The following STK32B variants were observed in gnomAD, a reference collection of about 807,000 sequenced individuals.
The protein encoded by STK32B is serine/threonine-protein kinase 32B.
In STK32B, 43 loss-of-function variants were observed where a neutral mutation model predicts 52.6. That is an observed-to-expected ratio of 0.82 (90% confidence interval 0.64 to 1.05). The LOEUF is 1.05. Among genes scored for constraint, STK32B ranks in the 50% least tolerant of loss-of-function variants. STK32B has a pLI of 0.00. For synonymous variants in STK32B, 238 were observed against 204.3 expected (o/e 1.17, Z -1.41); for missense variants, 621 against 534.6 (o/e 1.16, Z -1.59).
At position 5,499,917 on chromosome 4, in the gene STK32B, A is replaced by C. The variant is rs1720600984; in HGVS notation, c.*834A>C. 6.6e-6 allele frequency: 1 copy of C among 152,296 alleles called. No homozygotes were observed. Among genetic ancestry groups the C allele is most frequent in the South Asian group, 2.1e-4 (1 of 4,828 alleles). The allele number at this position is 152,296 out of a possible 1,614,324, so 9.4% of individuals were successfully genotyped here. On this transcript the variant is annotated 3_prime_UTR_variant, in exon 12 of 12. Coordinates refer to ENST00000282908, the MANE Select transcript of STK32B (RefSeq NM_018401.3). The stretch of plus-strand genomic sequence containing the variant: ...GCCCAGACCTGCAGCAGAACTCTCC[A>C]ACTCTCTATCAGCTTTCAGGGTTTT...
chr4:5,451,269 C>G (rs1428060703), intron 7 of STK32B, among the ~76,000 whole-genome samples: 1 of 152,034 alleles, frequency 6.6e-6, no homozygotes, highest in African/African-American at 2.4e-5. Flanking sequence ...GAAGTTCGGT[C>G]ACATATGAAT....
At chr4:5,072,724 C>T (rs1015058391) in intron 1 of STK32B, among the ~76,000 whole-genome samples, 18 of 152,144 alleles carry the variant, frequency 1.2e-4, no homozygotes, top group African/African-American at 4.3e-4. Flanking sequence ...TACTGGTGTA[C>T]TGTTTCATAA....
chr4:5,289,883 A>C (rs933406049), intron 3 of STK32B, among the ~76,000 whole-genome samples: 1 of 151,718 alleles, frequency 6.6e-6, no homozygotes, highest in Admixed American at 6.6e-5. Flanking sequence ...TTTTAGGTTC[A>C]GGGATACGTG....
intron 5 of STK32B, among the ~76,000 whole-genome samples, chr4:5,401,467 A>G (rs1028945662): frequency 1.3e-5 from 2 of 152,218 alleles, no homozygotes; most frequent in Non-Finnish European, 2.9e-5. Context: ...TAGTTACACA[A>G]AATCCAAGCA....
intron 1 of STK32B, among the ~76,000 whole-genome samples, chr4:5,062,609 C>T (rs540876659): frequency 1.3e-5 from 2 of 152,086 alleles, no homozygotes; most frequent in Non-Finnish European, 2.9e-5. Context: ...CCCAGGTTCA[C>T]GCCATTCTCC....
intron 2 of STK32B, among the ~76,000 whole-genome samples, chr4:5,144,795 T>A (rs1049353864): frequency 1.4e-5 from 2 of 138,170 alleles, no homozygotes; most frequent in African/African-American, 5.2e-5. Flanking sequence ...CATCCATCCA[T>A]CCATCCATCC....
At chr4:5,071,129 C>A (rs1420313357) in intron 1 of STK32B, among the ~76,000 whole-genome samples, 12 of 152,214 alleles carry the variant, frequency 7.9e-5, no homozygotes, top group African/African-American at 2.6e-4. Context: ...CGAGGAGACA[C>A]TTAATGGTTT....
At chr4:5,146,231 G>T (rs138074536) in intron 2 of STK32B, among the ~76,000 whole-genome samples, 1 of 152,044 alleles carries the variant, frequency 6.6e-6, no homozygotes, top group Non-Finnish European at 1.5e-5. Context: ...ACCATAGGCC[G>T]TCTGAAAGTT....
intron 1 of STK32B, among the ~76,000 whole-genome samples, chr4:5,124,399 A>G (rs558085306): frequency 9.9e-5 from 15 of 152,188 alleles, no homozygotes; most frequent in African/African-American, 3.1e-4. Flanking sequence ...CCCCCAGCCC[A>G]TTGCCTCCTG....
At position 5,500,065 on chromosome 4, in the gene STK32B, T is replaced by C. The variant is rs1344097039; in HGVS notation, c.*982T>C. ...AGCATGGGTGCTTAGAAAGTTTATTTCAGGAGGAAAATGGGTTCACACAAA... is the reference window on the plus strand; with the variant it reads ...AGCATGGGTGCTTAGAAAGTTTATTCCAGGAGGAAAATGGGTTCACACAAA... On this transcript the variant is annotated 3_prime_UTR_variant, in exon 12 of 12. Coordinates refer to ENST00000282908, the MANE Select transcript of STK32B (RefSeq NM_018401.3). 1 of 152,188 alleles carries C rather than the reference T, an allele frequency of 6.6e-6. No individual in the cohort carries two copies. Among genetic ancestry groups the C allele is most frequent in the Non-Finnish European group, 1.5e-5 (1 of 68,040 alleles). The allele number at this position is 152,188 out of a possible 1,614,324, so 9.4% of individuals were successfully genotyped here.
intron 11 of STK32B, among the ~76,000 whole-genome samples, chr4:5,476,693 A>T (rs755384910): frequency 3.9e-5 from 6 of 151,984 alleles, no homozygotes; most frequent in Non-Finnish European, 7.4e-5. Context: ...TGTGAAAATG[A>T]CCTTATTTGG....
intron 3 of STK32B, among the ~76,000 whole-genome samples, chr4:5,241,080 A>T (rs1724991331): frequency 6.6e-6 from 1 of 152,056 alleles, no homozygotes; most frequent in Non-Finnish European, 1.5e-5. Context: ...ATTATATCAT[A>T]GTTTTTTTCT....
rs1468292062 is a variant in STK32B, at chr4:5,499,097, G to T, written c.*14G>T. On this transcript the variant is annotated 3_prime_UTR_variant, in exon 12 of 12. Coordinates refer to ENST00000282908, the MANE Select transcript of STK32B (RefSeq NM_018401.3). ...TGCAGCAGCTGAGCCCACACTTGTT[G>T]CTGCTCAACAGGACTGCACTCGTCT... The T allele has an allele frequency of 1.9e-5, 31 of 1,604,890 alleles. No homozygotes were observed. The highest frequency in any genetic ancestry group is 2.3e-5 in the Non-Finnish European group (27 of 1,175,106).
chr4:5,107,993 C>G (rs75930417), intron 1 of STK32B, among the ~76,000 whole-genome samples: 2 of 152,258 alleles, frequency 1.3e-5, no homozygotes, highest in Non-Finnish European at 1.5e-5. Flanking sequence ...ATAATCACCA[C>G]TCACATCAAT....
chr4:5,269,135 C>CGA (rs1197390174), intron 3 of STK32B, among the ~76,000 whole-genome samples: 2 of 152,018 alleles, frequency 1.3e-5, no homozygotes, highest in African/African-American at 2.4e-5. Flanking sequence ...ACAGAGACCT[C>CGA]GAGAGATATG....
intron 2 of STK32B, among the ~76,000 whole-genome samples, chr4:5,156,150 GTA>G (rs890751528): frequency 6.6e-6 from 1 of 151,204 alleles, no homozygotes; most frequent in African/African-American, 2.4e-5. Context: ...ACACTCATAT[GTA>G]TATGTGTATA....
chr4:5,352,759 AATC>A (rs1733917631), intron 4 of STK32B, among the ~76,000 whole-genome samples: 1 of 152,140 alleles, frequency 6.6e-6, no homozygotes, highest in African/African-American at 2.4e-5. Flanking sequence ...CTAGATACAA[AATC>A]ATCATACAAA....
At chr4:5,128,479 G>C (rs188382400) in intron 1 of STK32B, among the ~76,000 whole-genome samples, 22 of 152,298 alleles carry the variant, frequency 1.4e-4, no homozygotes, top group African/African-American at 5.3e-4. Context: ...TATGAATTAG[G>C]CATATGATTT....
chr4:5,196,502 C>T (rs1022987194), intron 3 of STK32B, among the ~76,000 whole-genome samples: 2 of 151,736 alleles, frequency 1.3e-5, no homozygotes, highest in African/African-American at 4.8e-5. Flanking sequence ...GTGCGTAGAT[C>T]ACGAGGTCAG....
Sources: allele counts gnomAD v4.1 joint callset (sites outside exome capture counted in the v4.1 genomes callset), GRCh38; gene constraint gnomAD v4.1.1; transcripts MANE v1.5; gene names NCBI Gene and HGNC (gene_info 2026-07-23, HGNC 2026-07-21).